SEMA3A: variants seen among roughly 807,000 people sequenced by gnomAD.
SEMA3A encodes semaphorin 3A.
A neutral mutation model predicts 97.9 loss-of-function variants in SEMA3A; 29 were observed. That is an observed-to-expected ratio of 0.30 (90% CI 0.22 to 0.40). The LOEUF is 0.40. SEMA3A is among the 10% of genes least tolerant of loss of function. The pLI is 1.00. For missense variants in SEMA3A, 763 were observed against 951.3 expected, an observed-to-expected ratio of 0.80 and a Z score of 2.60; for synonymous variants, 321 against 323.7, an observed-to-expected ratio of 0.99 and a Z score of 0.09.
rs76198750 is a variant in SEMA3A at position 83,963,253 on chromosome 7, C to T, written c.1812G>A (p.Ala604=). 7.5e-5 allele frequency: 121 copies of T among 1,613,602 alleles called. No homozygotes were observed. In the African/African-American group the frequency reaches 1.2e-3, roughly 16 times the overall value. ...GCCTCTGGAATTGCCAATAGACCAG[C>T]GCTCTCTGCGACTTCGGACTGCATT... ...FLECSPKSQR[A]LVYWQFQRRN... is the part of the protein sequence containing the mutation. Residue 604 remains alanine, a synonymous_variant, in exon 16 of 17, where the codon GCG becomes GCA. Coordinates refer to ENST00000265362, the MANE Select transcript of SEMA3A (RefSeq NM_006080.3).
At chr7:84,347,953 C>T (rs1019788748) in intron 2 of SEMA3A, among the ~76,000 whole-genome samples, 3 of 152,136 alleles carry the variant, frequency 2.0e-5, no homozygotes, top group African/African-American at 7.2e-5. Flanking sequence ...CCCATCAAAA[C>T]TCACTAAATC....
At chr7:84,099,494 C>T (rs62477300) in intron 4 of SEMA3A, among the ~76,000 whole-genome samples, 63,341 of 151,698 alleles carry the variant, frequency 0.42, 14,972 homozygotes, top group Admixed American at 0.52. Flanking sequence ...CAATGCAAAA[C>T]TCACATAACT....
chr7:84,223,803 T>G (rs935453935), intron 3 of SEMA3A, among the ~76,000 whole-genome samples: 1 of 151,824 alleles, frequency 6.6e-6, no homozygotes, highest in African/African-American at 2.4e-5. Context: ...TATCATAGTT[T>G]AGAAATAAAA....
chr7:84,420,427 G>C (rs896413850), intron 1 of SEMA3A, among the ~76,000 whole-genome samples: 3 of 151,954 alleles, frequency 2.0e-5, no homozygotes, highest in African/African-American at 7.2e-5. Context: ...AAATTCACTA[G>C]AGTGCTCAAT....
intron 1 of SEMA3A, among the ~76,000 whole-genome samples, chr7:84,405,897 C>A (rs1211509956): frequency 6.6e-6 from 1 of 152,120 alleles, no homozygotes; most frequent in African/African-American, 2.4e-5. Flanking sequence ...ACATTCAAAG[C>A]AGTATGTAGA....
chr7:84,146,270 CATTAA>C (rs756523148), intron 1 of SEMA3A, among the ~76,000 whole-genome samples: 1 of 152,052 alleles, frequency 6.6e-6, no homozygotes, highest in Non-Finnish European at 1.5e-5. Flanking sequence ...GATAATCAAT[CATTAA>C]ATTAAAGATC....
At chr7:84,463,828 C>T (rs898154711) in intron 1 of SEMA3A, among the ~76,000 whole-genome samples, 4 of 152,086 alleles carry the variant, frequency 2.6e-5, no homozygotes, top group Non-Finnish European at 4.4e-5. Context: ...TCCCATAAAA[C>T]ATATAACTTT....
At chr7:84,423,497 T>A (rs1432484488) in intron 1 of SEMA3A, among the ~76,000 whole-genome samples, 5 of 152,120 alleles carry the variant, frequency 3.3e-5, no homozygotes, top group Non-Finnish European at 7.4e-5. Flanking sequence ...TCTGTGGTCA[T>A]CCTGAACAAA....
intron 2 of SEMA3A, among the ~76,000 whole-genome samples, chr7:84,131,991 T>G (rs1040502576): frequency 2.0e-5 from 3 of 152,084 alleles, no homozygotes; most frequent in African/African-American, 7.2e-5. Flanking sequence ...ATGTATTTAT[T>G]TTGTAGCGAC....
intron 6 of SEMA3A, among the ~76,000 whole-genome samples, chr7:84,023,785 T>C (rs1046611643): frequency 2.0e-5 from 3 of 151,400 alleles, no homozygotes; most frequent in East Asian, 2.0e-4. Flanking sequence ...CCGAGGCGGG[T>C]GGATCACGAG....
chr7:84,363,402 C>CCTTAATAGCA (rs1229166109), intron 2 of SEMA3A, among the ~76,000 whole-genome samples: 3 of 151,852 alleles, frequency 2.0e-5, no homozygotes, highest in Non-Finnish European at 2.9e-5. Context: ...GGTGCCTTTG[C>CCTTAATAGCA]CTTAAAGGCA....
intron 2 of SEMA3A, among the ~76,000 whole-genome samples, chr7:84,312,822 C>A (rs1430690413): frequency 1.5e-5 from 2 of 137,030 alleles, no homozygotes; most frequent in Admixed American, 1.6e-4. Context: ...TTCAGTACTA[C>A]CAACGTTTCT....
rs1478523475 is a variant in SEMA3A at position 83,959,026 on chromosome 7, G to T, written c.*2345C>A. The stretch of plus-strand genomic sequence containing the variant: ...TATGACTGTAATGAGTTATCTGCAA[G>T]TTATATCTACAATTTTCTTTGAAAA... On this transcript the variant is annotated 3_prime_UTR_variant, in exon 17 of 17. Transcript: ENST00000265362. 1 of 152,018 alleles carries T rather than the reference G, an allele frequency of 6.6e-6. No individual in the cohort carries two copies. The highest frequency in any genetic ancestry group is 2.4e-5 in the African/African-American group (1 of 41,422). 9.4% of individuals were successfully genotyped at this position (152,018 alleles called of 1,614,324 possible).
At chr7:84,182,172 G>A (rs999544358) in intron 1 of SEMA3A, among the ~76,000 whole-genome samples, 5 of 151,968 alleles carry the variant, frequency 3.3e-5, no homozygotes, top group East Asian at 1.9e-4. Context: ...GGTTATTTGC[G>A]ATCACAGGTG....
intron 1 of SEMA3A, among the ~76,000 whole-genome samples, chr7:84,157,354 G>T (rs1796875030): frequency 6.6e-6 from 1 of 152,122 alleles, no homozygotes; most frequent in Admixed American, 6.5e-5. Flanking sequence ...GTTGAGAGAT[G>T]AATAACATCT....
chr7:84,195,709 T>C (rs376305764), upstream of SEMA3A, among the ~76,000 whole-genome samples: 1 of 152,178 alleles, frequency 6.6e-6, no homozygotes, highest in East Asian at 1.9e-4. Context: ...GTTTTCCAGC[T>C]TCTGGAATGC....
At chr7:84,342,058 G>A (rs528649135) in intron 2 of SEMA3A, among the ~76,000 whole-genome samples, 10 of 150,258 alleles carry the variant, frequency 6.7e-5, no homozygotes, top group East Asian at 1.9e-4. Flanking sequence ...TTTTTTTGAC[G>A]GAGTTTCACC....
chr7:84,062,740 T>A (rs2115698766), intron 4 of SEMA3A, among the ~76,000 whole-genome samples: 1 of 152,278 alleles, frequency 6.6e-6, no homozygotes, highest in African/African-American at 2.4e-5. Flanking sequence ...ATCACGAGAT[T>A]ATATCCCGCA....
intron 1 of SEMA3A, among the ~76,000 whole-genome samples, chr7:84,141,660 TC>T (rs1420029382): frequency 3.3e-5 from 5 of 152,050 alleles, no homozygotes; most frequent in Admixed American, 3.3e-4. Flanking sequence ...CTCCCCTTCC[TC>T]CCACCCTCCA....
Sources: allele counts gnomAD v4.1 joint callset (sites outside exome capture counted in the v4.1 genomes callset), GRCh38; gene constraint gnomAD v4.1.1; transcripts MANE v1.5; gene names NCBI Gene and HGNC (gene_info 2026-07-23, HGNC 2026-07-21).